The following THRAP3 variants were observed in gnomAD, a reference collection of about 807,000 sequenced individuals.
THRAP3 encodes thyroid hormone receptor-associated protein 3.
A neutral mutation model predicts 101.0 loss-of-function variants in THRAP3; 16 were observed. That is an observed-to-expected ratio of 0.16 (90% confidence interval 0.11 to 0.24). THRAP3 has a LOEUF of 0.24. Ranked by LOEUF, THRAP3 falls within the 10% of genes least tolerant of loss-of-function variation. The probability of loss-of-function intolerance (pLI) is 1.00; values close to 1 mark genes in which losing one functional copy is unlikely to be tolerated. For synonymous variants in THRAP3, 407 were observed against 422.6 expected (o/e 0.96, Z 0.45); for missense variants, 989 against 1,202.7 (o/e 0.82, Z 2.63).
chr1:36,237,045 G>A (rs963745189), intron 1 of THRAP3, among the ~76,000 whole-genome samples: 7 of 151,990 alleles, frequency 4.6e-5, no homozygotes, highest in Admixed American at 6.6e-5. Context: ...GCGTGGTGGC[G>A]CATCCCTGTA....
chr1:36,251,697 G>A lies in THRAP3; in HGVS notation c.-134-7685G>A, dbSNP rs114938288. 7.8e-3 allele frequency among the ~76,000 whole-genome samples: 1,186 copies of A among 152,282 alleles called. 10 individuals carry two copies. The highest frequency in any genetic ancestry group is 0.027 in the African/African-American group (1,131 of 41,564). The stretch of plus-strand genomic sequence containing the variant: ...CTACCCAAACCAGCTTGTTGAAGTC[G>A]TGTCTTTTCACTGTCATTTTGATAC... On this transcript the variant is annotated intron_variant, in intron 1 of 11. Coordinates refer to ENST00000354618, the MANE Select transcript of THRAP3 (RefSeq NM_005119.4).
At position 36,289,252 on chromosome 1, in the gene THRAP3, G is replaced by T. The variant is rs746270724; in HGVS notation, c.1233G>T (p.Arg411Ser). 1.9e-6 allele frequency: 3 copies of T among 1,614,024 alleles called. No homozygotes were observed. In the East Asian group the frequency reaches 6.7e-5, roughly 36 times the overall value. The change falls in exon 5 of 12, where the codon AGG becomes AGT. Residue 411 changes from arginine to serine, a missense_variant. Coordinates refer to ENST00000354618, the MANE Select transcript of THRAP3 (RefSeq NM_005119.4). ...TTCGGGGCAGTCAGTCTCCCAAAAGGTATAAGCTCCGAGATGACTTTGAGA... is the reference window on the plus strand; with the variant it reads ...TTCGGGGCAGTCAGTCTCCCAAAAGTTATAAGCTCCGAGATGACTTTGAGA... Reference protein sequence around the residue: ...KPFRGSQSPKRYKLRDDFEKK... With the variant: ...KPFRGSQSPKSYKLRDDFEKK...
intron 2 of THRAP3, among the ~76,000 whole-genome samples, chr1:36,260,588 C>A (rs962392801): frequency 2.6e-5 from 4 of 152,194 alleles, no homozygotes; most frequent in South Asian, 4.2e-4. Context: ...TTTGGGAGGC[C>A]GAGGCGGGCG....
intron 1 of THRAP3, among the ~76,000 whole-genome samples, chr1:36,238,250 TA>T (rs1165778001): frequency 2.6e-5 from 4 of 152,136 alleles, no homozygotes; most frequent in Admixed American, 2.0e-4. Flanking sequence ...ATTATATGGG[TA>T]AAACATCGTG....
chr1:36,233,423 A>G (rs113232305), intron 1 of THRAP3, among the ~76,000 whole-genome samples: 2,722 of 150,820 alleles, frequency 0.018, 71 homozygotes, highest in African/African-American at 0.055. Context: ...AGAGAATGGC[A>G]TGAACCTGGG....
intron 1 of THRAP3, among the ~76,000 whole-genome samples, chr1:36,251,893 C>T (rs1200345295): frequency 6.6e-6 from 1 of 152,174 alleles, no homozygotes; most frequent in African/African-American, 2.4e-5. Flanking sequence ...TCCGGGGTCT[C>T]ACAACTAGTA....
rs763503220 is a variant in THRAP3, at chr1:36,301,576, C to T, written c.2526C>T (p.Gly842=). 1 of 1,613,980 alleles carries T rather than the reference C, an allele frequency of 6.2e-7. No homozygotes were observed. Among genetic ancestry groups the T allele is most frequent in the South Asian group, 1.1e-5 (1 of 91,068 alleles). ...AGCAGTTTCGAGCCAGAGGAAGAGG[C>T]TGGGGCAGAGGCAACTACTCTGGGA... ...GTFQFRARGR[G]WGRGNYSGNN... Residue 842 remains glycine (G), a synonymous_variant, in exon 11 of 12, where the codon GGC becomes GGT. Transcript: ENST00000354618.
Position 36,282,636 on chromosome 1 carries a change from C to T in THRAP3, c.73C>T (p.Arg25Cys), listed in dbSNP as rs147227162. 9.8e-5 allele frequency: 158 copies of T among 1,614,012 alleles called. No individual in the cohort carries two copies. The highest frequency in any genetic ancestry group is 8.5e-5 in the Non-Finnish European group (100 of 1,180,022). ...AAGATCTGCATCAAGATCTCGTTCT[C>T]GTTCATTTTCGAAGTCTCGGTCCCG... Reference protein sequence around the residue: ...RSRSASRSRSRSFSKSRSRSR... With the variant: ...RSRSASRSRSCSFSKSRSRSR... The change falls in exon 3 of 12, where the codon CGT (arginine) becomes TGT (cysteine). Residue 25 changes from arginine to cysteine, a missense_variant. Arg to Cys is a radical substitution (Grantham distance 180). Transcript: ENST00000354618.
intron 1 of THRAP3, 66 bp from the exon 2 acceptor site, chr1:36,259,316 G>T: frequency 2.5e-6 from 1 of 397,828 alleles, no homozygotes; most frequent in South Asian, 1.3e-4. Context: ...TATAGATTTT[G>T]AGCATCAGTA....
At chr1:36,268,408 C>T (rs539194065) in intron 2 of THRAP3, among the ~76,000 whole-genome samples, 1 of 152,114 alleles carries the variant, frequency 6.6e-6, no homozygotes, top group African/African-American at 2.4e-5. Context: ...GGATAAGAGC[C>T]GGTCCAGTAT....
At chr1:36,255,925 G>A (rs1645368454) in intron 1 of THRAP3, among the ~76,000 whole-genome samples, 1 of 152,032 alleles carries the variant, frequency 6.6e-6, no homozygotes, top group Non-Finnish European at 1.5e-5. Context: ...AAACTATATC[G>A]TCGTTTAAGG....
At chr1:36,213,993 GA>G in the THRAP3 span, among the ~76,000 whole-genome samples, 3 of 83,982 alleles carry the variant, frequency 3.6e-5, no homozygotes, top group Non-Finnish European at 6.8e-5. Flanking sequence ...AAGAAAGAAA[GA>G]AAGGAAAGAA....
intron 2 of THRAP3, among the ~76,000 whole-genome samples, chr1:36,263,076 T>C (rs1399777691): frequency 6.7e-6 from 1 of 149,550 alleles, no homozygotes; most frequent in Non-Finnish European, 1.5e-5. Flanking sequence ...TCCCAAAGTG[T>C]TGGGATTACA....
rs1646074650 is a variant in THRAP3 at position 36,304,549 on chromosome 1, A to G, written c.*532A>G. On this transcript the variant is annotated 3_prime_UTR_variant, in exon 12 of 12. Transcript: ENST00000354618. Reference sequence around the variant, plus strand: ...AAAGAGAAAACAAAAGCATGTGAATAAACTTTGAAGTGTTCACCTCAGTTT... The same window carrying G: ...AAAGAGAAAACAAAAGCATGTGAATGAACTTTGAAGTGTTCACCTCAGTTT... The G allele has an allele frequency of 4.4e-6, 1 of 224,822 alleles. No individual in the cohort carries two copies. The highest frequency in any genetic ancestry group is 5.8e-5 in the Admixed American group (1 of 17,376). 13.9% of individuals were successfully genotyped at this position (224,822 alleles called of 1,614,324 possible). A position where few individuals can be genotyped will look rare whatever the true frequency, so the allele number is the denominator to read the frequency against.
intron 2 of THRAP3, among the ~76,000 whole-genome samples, chr1:36,265,143 C>T (rs929760982): frequency 4.6e-5 from 7 of 152,214 alleles, no homozygotes; most frequent in African/African-American, 1.7e-4. Context: ...GGACCCATAA[C>T]AGTTCCTATG....
chr1:36,276,125 G>C (rs887682159), intron 2 of THRAP3, among the ~76,000 whole-genome samples: 1 of 151,828 alleles, frequency 6.6e-6, no homozygotes, highest in Non-Finnish European at 1.5e-5. Flanking sequence ...GAAAACCTGG[G>C]AGTAAATCTT....
chr1:36,303,112 ATTTTTTT>A (rs397936228), intron 11 of THRAP3, among the ~76,000 whole-genome samples: 1,369 of 125,168 alleles, frequency 0.011, 16 homozygotes, highest in African/African-American at 0.039. Context: ...TGCCTGGCTA[ATTTTTTT>A]TTTTTTTTTT....
chr1:36,213,633 G>A, the THRAP3 span, among the ~76,000 whole-genome samples: 1 of 151,750 alleles, frequency 6.6e-6, no homozygotes, highest in Non-Finnish European at 1.5e-5. Context: ...ATCGCCTGAG[G>A]TCAGGAGTTC....
At chr1:36,253,930 A>G (rs1645341531) in intron 1 of THRAP3, among the ~76,000 whole-genome samples, 1 of 151,948 alleles carries the variant, frequency 6.6e-6, no homozygotes, top group African/African-American at 2.4e-5. Context: ...TGTATTCATT[A>G]AGAAACATTA....
Sources: allele counts gnomAD v4.1 joint callset (sites outside exome capture counted in the v4.1 genomes callset), GRCh38; gene constraint gnomAD v4.1.1; transcripts MANE v1.5; gene names NCBI Gene and HGNC (gene_info 2026-07-23, HGNC 2026-07-21).